Variants in CFAP206 observed in about 807,000 individuals in gnomAD.
CFAP206 encodes cilia- and flagella-associated protein 206.
CFAP206 carries 53 observed loss-of-function variants against 65.4 expected under a neutral mutation model. The observed-to-expected ratio is 0.81, with a 90% CI of 0.65 to 1.02. CFAP206 has a LOEUF of 1.02. CFAP206 is among the 50% of genes least tolerant of loss of function. CFAP206 has a pLI of 0.00. For synonymous variants in CFAP206, 250 were observed against 254.4 expected (o/e 0.98, Z 0.17); for missense variants, 663 against 753.2 (o/e 0.88, Z 1.40).
chr6:87,413,981 G>A, intron 4 of CFAP206, 81 bp downstream of exon 4: 2 of 606,350 alleles, frequency 3.3e-6, no homozygotes, highest in Non-Finnish European at 5.3e-6. Flanking sequence ...GGTTGACAAT[G>A]AATTTAATTG....
chr6:87,430,881 A>G, intron 9 of CFAP206, 152 bp from the exon 10 acceptor site: 1 of 666,814 alleles, frequency 1.5e-6, no homozygotes, highest in Non-Finnish European at 2.5e-6. Flanking sequence ...AGACTTCCTC[A>G]TAAATCTGGT....
rs1334617349 is a variant in CFAP206 at position 87,416,758 on chromosome 6, A to C, written c.562A>C (p.Thr188Pro). 3 of 1,613,680 alleles carry C rather than the reference A, an allele frequency of 1.9e-6. No homozygotes were observed. The African/African-American group carries it at 4.0e-5, about 22-fold the overall frequency. The stretch of plus-strand genomic sequence containing the variant: ...CAAAGAACGCCAGCTGAAAGAACTC[A>C]CCATGATTGTTACTGGAATTCGTTT... ...KDKERQLKEL[T>P]MIVTGIRLFN... Residue 188 changes from threonine (T) to proline (P), a missense_variant, in exon 6 of 13, where the codon ACC (threonine) becomes CCC (proline). Physicochemically the swap from Thr to Pro is conservative, Grantham distance 38. Transcript: ENST00000369562.
intron 11 of CFAP206, among the ~76,000 whole-genome samples, chr6:87,447,318 GGGTTTGTCATAAAT>G (rs1280051120): frequency 6.6e-6 from 1 of 152,070 alleles, no homozygotes; most frequent in Non-Finnish European, 1.5e-5. Context: ...TATTGGCTGT[GGGTTTGTCATAAAT>G]GGCTCTTATT....
rs547656587 is a variant in CFAP206 at position 87,450,377 on chromosome 6, G to C, written c.1495-10645G>C. Among the ~76,000 whole-genome samples the C allele has an allele frequency of 5.3e-5, 8 of 152,002 alleles. No homozygotes were observed. The South Asian group carries it at 1.0e-3, about 20-fold the overall frequency. On this transcript the variant is annotated intron_variant, in intron 11 of 12. Transcript: ENST00000369562. ...TGTCATTGGTATTATGATAGGGATT[G>C]CGTTGAATTTGTGGATCACTTTGGG...
At chr6:87,443,300 C>A (rs1242761312) in intron 11 of CFAP206, among the ~76,000 whole-genome samples, 2 of 152,046 alleles carry the variant, frequency 1.3e-5, no homozygotes, top group Non-Finnish European at 2.9e-5. Flanking sequence ...TTATCTTATG[C>A]TGTCTTTTAA....
chr6:87,447,967 T>TTATTATTATTATTATTATTATTATTAC (rs1582148579), intron 11 of CFAP206, among the ~76,000 whole-genome samples: 1 of 150,906 alleles, frequency 6.6e-6, no homozygotes, highest in Admixed American at 6.6e-5. Context: ...ATTATTATTA[T>TTATTATTATTATTATTATTATTATTAC]TACTATACTT....
At chr6:87,457,149 C>CAA (rs56842848) in intron 11 of CFAP206, among the ~76,000 whole-genome samples, 12,274 of 115,636 alleles carry the variant, frequency 0.11, 785 homozygotes, top group Non-Finnish European at 0.12. Context: ...GACAACCTCT[C>CAA]AAAAAAAAAA....
At chr6:87,445,109 G>T in intron 11 of CFAP206, 1 of 440,958 alleles carries the variant, frequency 2.3e-6, no homozygotes, top group Non-Finnish European at 4.4e-6. Context: ...GGGCTTCAGT[G>T]GCAGCCACTT....
intron 11 of CFAP206, among the ~76,000 whole-genome samples, chr6:87,453,538 A>G (rs970232930): frequency 1.3e-5 from 2 of 152,222 alleles, no homozygotes; most frequent in African/African-American, 4.8e-5. Flanking sequence ...AAGACATAGT[A>G]TAATAAGATT....
intron 11 of CFAP206, among the ~76,000 whole-genome samples, chr6:87,454,844 CA>C (rs200119526): frequency 0.055 from 4,921 of 89,658 alleles, 67 homozygotes; most frequent in Middle Eastern, 0.08. Flanking sequence ...GACTCTGTCT[CA>C]AAAAAAAAAA....
intron 9 of CFAP206, among the ~76,000 whole-genome samples, chr6:87,429,604 T>C (rs1048994474): frequency 6.6e-6 from 1 of 152,184 alleles, no homozygotes; most frequent in Non-Finnish European, 1.5e-5. Context: ...AGAAAAACAA[T>C]CTTTATCAAT....
intron 10 of CFAP206, among the ~76,000 whole-genome samples, chr6:87,432,950 C>T (rs1768183924): frequency 6.6e-6 from 1 of 152,232 alleles, no homozygotes; most frequent in Admixed American, 6.5e-5. Context: ...TGCCTTAAAT[C>T]CCAGGGTAAC....
chr6:87,431,283 T>G, intron 10 of CFAP206, 110 bp downstream of exon 10: 1 of 1,030,894 alleles, frequency 9.7e-7, no homozygotes, highest in Non-Finnish European at 1.4e-6. Flanking sequence ...AATCTAATGG[T>G]GAACTAACAA....
chr6:87,462,696 A>G (rs1286180018), intron 12 of CFAP206, among the ~76,000 whole-genome samples: 6 of 152,202 alleles, frequency 3.9e-5, no homozygotes, highest in Non-Finnish European at 8.8e-5. Flanking sequence ...GTGACAGCAT[A>G]GGTATGGACT....
chr6:87,414,665 A>C lies in CFAP206; in HGVS notation c.283+765A>C, dbSNP rs531844411. On this transcript the variant is annotated intron_variant, in intron 4 of 12. Coordinates refer to ENST00000369562, the MANE Select transcript of CFAP206 (RefSeq NM_001031743.3). ...GGAAACAAAAGAAAAAGGAAAATGT[A>C]ATTCTCTATGGACTGCCTCTGCACC... 1.6e-4 allele frequency among the ~76,000 whole-genome samples: 25 copies of C among 152,318 alleles called. No individual in the cohort carries two copies. In the South Asian group the frequency reaches 2.5e-3, roughly 15 times the overall value.
chr6:87,441,412 C>T (rs1290530010), intron 11 of CFAP206: 6 of 155,030 alleles, frequency 3.9e-5, no homozygotes, highest in South Asian at 2.0e-4. Flanking sequence ...TTGAAGCCAA[C>T]GTAAAAAATT....
At chr6:87,410,061 A>G (rs1767706306) in intron 2 of CFAP206, 114 bp downstream of exon 2, 6 of 723,312 alleles carry the variant, frequency 8.3e-6, no homozygotes, top group South Asian at 7.3e-5. Flanking sequence ...CAGTTGAAGC[A>G]TAACGAGATA....
chr6:87,416,256 G>A (rs1047894703), intron 5 of CFAP206, among the ~76,000 whole-genome samples: 79 of 152,306 alleles, frequency 5.2e-4, no homozygotes, highest in African/African-American at 1.8e-3. Flanking sequence ...ATGGGTGATG[G>A]AATGGGGCAC....
intron 11 of CFAP206, among the ~76,000 whole-genome samples, chr6:87,452,097 C>T (rs1768556334): frequency 6.6e-6 from 1 of 152,190 alleles, no homozygotes; most frequent in Admixed American, 6.5e-5. Flanking sequence ...TCTCCTCCCA[C>T]TCCAGTTGGC....
Sources: gnomAD v4.1 joint callset for allele counts (sites outside exome capture counted in the v4.1 genomes callset) on GRCh38, gnomAD v4.1.1 for gene constraint, MANE v1.5 for transcripts, NCBI Gene and HGNC (gene_info 2026-07-23, HGNC 2026-07-21) for gene names.